ATOSA: variants seen among roughly 807,000 people sequenced by gnomAD.
The protein encoded by ATOSA is atos homolog A, also known as atos homolog protein A.
the ATOSA span, among the ~76,000 whole-genome samples, chr15:52,617,817 A>G: frequency 6.7e-6 from 1 of 149,194 alleles, no homozygotes; most frequent in African/African-American, 2.4e-5. Context: ...ACTAATTTAT[A>G]TATAATAATA....
chr15:52,595,035 T>C, the ATOSA span, among the ~76,000 whole-genome samples: 1 of 152,160 alleles, frequency 6.6e-6, no homozygotes, highest in African/African-American at 2.4e-5. Context: ...GCCATGCTCT[T>C]TTACGTTTGC....
the ATOSA span, among the ~76,000 whole-genome samples, chr15:52,645,276 C>CA: frequency 6.6e-6 from 1 of 151,942 alleles, no homozygotes; most frequent in African/African-American, 2.4e-5. Context: ...CCATCTCTAC[C>CA]AAAAATACAA....
chr15:52,649,171 T>C, the ATOSA span, among the ~76,000 whole-genome samples: 1 of 152,176 alleles, frequency 6.6e-6, no homozygotes, highest in Non-Finnish European at 1.5e-5. Flanking sequence ...TGAAAATGCC[T>C]GACAAAAAGT....
the ATOSA span, among the ~76,000 whole-genome samples, chr15:52,643,925 C>CAA: frequency 2.2e-4 from 32 of 147,572 alleles, 1 homozygote; most frequent in East Asian, 5.1e-3. Flanking sequence ...AACAAACAAA[C>CAA]AAAAAAAAAC....
At chr15:52,626,154 G>A in the ATOSA span, among the ~76,000 whole-genome samples, 1 of 152,122 alleles carries the variant, frequency 6.6e-6, no homozygotes, top group Non-Finnish European at 1.5e-5. Context: ...TCCTAAATTT[G>A]TAAAATCATT....
At chr15:52,673,804 C>T in the ATOSA span, among the ~76,000 whole-genome samples, 1 of 152,210 alleles carries the variant, frequency 6.6e-6, no homozygotes, top group South Asian at 2.1e-4. Flanking sequence ...TCCTATTTCA[C>T]CTGCCCAGGA....
chr15:52,626,101 T>C, the ATOSA span, among the ~76,000 whole-genome samples: 1 of 152,214 alleles, frequency 6.6e-6, no homozygotes, highest in Admixed American at 6.5e-5. Context: ...CTAAATGCTA[T>C]GATATACATC....
the ATOSA span, among the ~76,000 whole-genome samples, chr15:52,596,224 T>C: frequency 6.6e-6 from 1 of 152,212 alleles, no homozygotes; most frequent in Non-Finnish European, 1.5e-5. Context: ...TGAAAGACTT[T>C]ATATTTTTAA....
the ATOSA span, among the ~76,000 whole-genome samples, chr15:52,594,094 C>A: frequency 1.3e-5 from 2 of 152,114 alleles, no homozygotes; most frequent in African/African-American, 4.8e-5. Context: ...TCTATCAGAG[C>A]AGGTATTTAT....
At chr15:52,609,622 C>A in the ATOSA span, 4 of 1,612,772 alleles carry the variant, frequency 2.5e-6, no homozygotes, top group Non-Finnish European at 3.4e-6. Context: ...AAACTCTGGA[C>A]TACCAAAAGT....
the ATOSA span, chr15:52,651,860 C>T: frequency 6.5e-7 from 1 of 1,535,328 alleles, no homozygotes; most frequent in Non-Finnish European, 8.7e-7. Flanking sequence ...AAAAACACTT[C>T]ACTACACACC....
At chr15:52,613,659 C>T in the ATOSA span, 1 of 1,611,588 alleles carries the variant, frequency 6.2e-7, no homozygotes, top group Non-Finnish European at 8.5e-7. Flanking sequence ...AAGCATTCAA[C>T]ACAAGATTCT....
At chr15:52,652,228 A>G in the ATOSA span, among the ~76,000 whole-genome samples, 1 of 152,320 alleles carries the variant, frequency 6.6e-6, no homozygotes, top group African/African-American at 2.4e-5. Context: ...ACTTGAAAGG[A>G]AAGAACAGTA....
the ATOSA span, chr15:52,590,885 A>T: frequency 6.6e-6 from 1 of 152,234 alleles, no homozygotes; most frequent in Non-Finnish European, 1.5e-5. Flanking sequence ...ATCAGAGAAA[A>T]GAAAGTCAGA....
At chr15:52,668,997 C>T in the ATOSA span, among the ~76,000 whole-genome samples, 2,684 of 151,882 alleles carry the variant, frequency 0.018, 87 homozygotes, top group African/African-American at 0.062. Flanking sequence ...GCTCCGCCTC[C>T]CCGGTTCACG....
chr15:52,668,098 G>C, the ATOSA span, among the ~76,000 whole-genome samples: 1 of 152,212 alleles, frequency 6.6e-6, no homozygotes, highest in Non-Finnish European at 1.5e-5. Flanking sequence ...ATGTTGAAGA[G>C]ATATCTGTAC....
chr15:52,590,537 T>A, the ATOSA span: 1 of 152,240 alleles, frequency 6.6e-6, no homozygotes, highest in Non-Finnish European at 1.5e-5. Context: ...GTCATTTGTA[T>A]AATCTGTGAT....
chr15:52,639,882 C>T, the ATOSA span, among the ~76,000 whole-genome samples: 17 of 151,704 alleles, frequency 1.1e-4, no homozygotes, highest in Admixed American at 2.0e-4. Flanking sequence ...TCCCAAGTAG[C>T]TAGGATTACA....
chr15:52,610,316 C>G, the ATOSA span: 1 of 1,613,960 alleles, frequency 6.2e-7, no homozygotes, highest in Non-Finnish European at 8.5e-7. Context: ...ACATTGGGAA[C>G]AGGAAACACA....
Sources: gnomAD v4.1 joint callset for allele counts (sites outside exome capture counted in the v4.1 genomes callset) on GRCh38, gnomAD v4.1.1 for gene constraint, MANE v1.5 for transcripts, NCBI Gene and HGNC (gene_info 2026-07-23, HGNC 2026-07-21) for gene names.